PCDHGA2: variants seen among roughly 807,000 people sequenced by gnomAD.
PCDHGA2 encodes the protein protocadherin gamma subfamily A, 2, also known as protocadherin gamma-A2.
In PCDHGA2, 40 loss-of-function variants were observed where a neutral mutation model predicts 59.2. The observed-to-expected ratio is 0.68, with a 90% CI of 0.52 to 0.88. PCDHGA2 has a LOEUF of 0.88. Ranked by LOEUF, PCDHGA2 falls within the 40% of genes least tolerant of loss-of-function variation. PCDHGA2 has a pLI of 0.00. For synonymous variants in PCDHGA2, 560 were observed against 526.0 expected (o/e 1.06, Z -0.89); for missense variants, 1,226 against 1,204.0 (o/e 1.02, Z -0.27).
chr5:141,433,076 C>G, intron 1 of PCDHGA2: 1 of 1,614,188 alleles, frequency 6.2e-7, no homozygotes, highest in Non-Finnish European at 8.5e-7. Context: ...CTTCCCCCAG[C>G]CCAACTATGC....
chr5:141,401,211 G>A (rs1180713351), intron 1 of PCDHGA2, among the ~76,000 whole-genome samples: 5 of 151,994 alleles, frequency 3.3e-5, no homozygotes, highest in South Asian at 2.1e-4. Context: ...GTGTGGTGGC[G>A]GGCGCCTGTA....
In PCDHGA2 at chr5:141,482,773, C is replaced by A. The variant is rs2009076; in HGVS notation, c.2425-12034C>A. ...ATTATGGTATTTCATTATCACTGAA[C>A]CTTAAACTGTGTGTGTGGCCGGGTA... On this transcript the variant is annotated intron_variant, in intron 1 of 3. Coordinates refer to ENST00000394576, the MANE Select transcript of PCDHGA2 (RefSeq NM_018915.4). 9.1e-3 allele frequency among the ~76,000 whole-genome samples: 1,158 copies of A among 127,768 alleles called. 29 individuals carry two copies. Among genetic ancestry groups the A allele is most frequent in the Middle Eastern group, 0.013 (3 of 228 alleles). 83.8% of individuals were successfully genotyped at this position (127,768 alleles called of 152,430 possible). A position where few individuals can be genotyped will look rare whatever the true frequency, so the allele number is the denominator to read the frequency against.
intron 1 of PCDHGA2, chr5:141,370,818 ATCAGCGAACTGGCTC>A (rs758994219): frequency 6.2e-7 from 1 of 1,614,074 alleles, no homozygotes; most frequent in South Asian, 1.1e-5. Flanking sequence ...TGAGCTGGAA[ATCAGCGAACTGGCTC>A]TCACTGGAGC....
Position 141,340,475 on chromosome 5 carries a change from T to A in PCDHGA2, c.1504T>A (p.Ser502Thr), listed in dbSNP as rs1010583487. The A allele has an allele frequency of 6.2e-7, 1 of 1,614,188 alleles. No individual in the cohort carries two copies. The highest frequency in any genetic ancestry group is 1.3e-5 in the African/African-American group (1 of 75,028). Residue 502 changes from serine to threonine, a missense_variant, in exon 1 of 4, where the codon TCC (serine) becomes ACC (threonine). Transcript: ENST00000394576. ...GGACACTGTTCAGGGGGCACCCTTA[T>A]CCTCTTACATCTCTATCAACTCCGA... ...AEDTVQGAPL[S>T]SYISINSDTG...
chr5:141,479,490 G>A (rs1334340000), intron 1 of PCDHGA2: 1 of 152,248 alleles, frequency 6.6e-6, no homozygotes, highest in Non-Finnish European at 1.5e-5. Context: ...AGGACCATCA[G>A]GTTGCCTAAA....
In PCDHGA2 at chr5:141,487,218, C is replaced by T; in HGVS notation, c.2425-7589C>T. The T allele has an allele frequency of 6.2e-7, 1 of 1,613,938 alleles. No individual in the cohort carries two copies. The highest frequency in any genetic ancestry group is 1.3e-5 in the African/African-American group (1 of 75,024). On this transcript the variant is annotated intron_variant, in intron 1 of 3. Coordinates refer to ENST00000394576, the MANE Select transcript of PCDHGA2 (RefSeq NM_018915.4). The surrounding 1 kb of genome is among the most constrained non-coding windows in gnomAD (Gnocchi z 5.0). ...CCAGATCTTCGAGAATCTTCAGCTCCAAGGGAAGGAGAATCTCGTCTAACC... is the reference window on the plus strand; with the variant it reads ...CCAGATCTTCGAGAATCTTCAGCTCTAAGGGAAGGAGAATCTCGTCTAACC...
At position 141,510,979 on chromosome 5, in the gene PCDHGA2, G is replaced by T; in HGVS notation, c.2605G>T (p.Gly869Cys). 3.7e-6 allele frequency: 6 copies of T among 1,614,156 alleles called. No individual in the cohort carries two copies. Among genetic ancestry groups the T allele is most frequent in the Non-Finnish European group, 4.2e-6 (5 of 1,180,018 alleles). Residue 869 changes from glycine to cysteine, a missense_variant, in exon 4 of 4, where the codon GGT becomes TGT. Gly to Cys is a radical substitution (Grantham distance 159). Coordinates refer to ENST00000394576, the MANE Select transcript of PCDHGA2 (RefSeq NM_018915.4). ...TGATGGGAGCTCCACCCTGGGAGGGGGTGCCGGCACCATGGGATTGAGCGC... is the reference window on the plus strand; with the variant it reads ...TGATGGGAGCTCCACCCTGGGAGGGTGTGCCGGCACCATGGGATTGAGCGC... Reference protein sequence around the residue: ...AADGSSTLGGGAGTMGLSARY... With the variant: ...AADGSSTLGGCAGTMGLSARY...
At position 141,491,919 on chromosome 5, in the gene PCDHGA2, C is replaced by A. The variant is rs1177043977; in HGVS notation, c.2425-2888C>A. 1.5e-6 allele frequency: 2 copies of A among 1,361,778 alleles called. No homozygotes were observed. Among genetic ancestry groups the A allele is most frequent in the South Asian group, 1.6e-5 (1 of 64,218 alleles). 84.4% of individuals were successfully genotyped at this position (1,361,778 alleles called of 1,614,324 possible). A position where few individuals can be genotyped will look rare whatever the true frequency, so the allele number is the denominator to read the frequency against. On this transcript the variant is annotated intron_variant, in intron 1 of 3. Coordinates refer to ENST00000394576, the MANE Select transcript of PCDHGA2 (RefSeq NM_018915.4). The surrounding 1 kb of genome is among the most constrained non-coding windows in gnomAD (Gnocchi z 6.9). ...CACCGGGGGTGGTGGCGACTGTGGGCGAGGGGAGGTGGGACCGACCCCCAC... is the reference window on the plus strand; with the variant it reads ...CACCGGGGGTGGTGGCGACTGTGGGAGAGGGGAGGTGGGACCGACCCCCAC...
chr5:141,356,431 G>A (rs1760220758), intron 1 of PCDHGA2: 1 of 1,609,622 alleles, frequency 6.2e-7, no homozygotes, highest in Non-Finnish European at 8.5e-7. Context: ...CAGAACACTG[G>A]ACAGGGAAGA....
intron 1 of PCDHGA2, chr5:141,356,070 G>A (rs1284075623): frequency 1.9e-6 from 3 of 1,613,902 alleles, no homozygotes; most frequent in East Asian, 2.2e-5. Flanking sequence ...AAATATCACA[G>A]CTATTTCAGT....
intron 1 of PCDHGA2, among the ~76,000 whole-genome samples, chr5:141,475,778 T>C (rs1204790631): frequency 2.0e-5 from 3 of 152,282 alleles, no homozygotes; most frequent in Non-Finnish European, 4.4e-5. Flanking sequence ...GCGCTTTGGC[T>C]GGAAACTCTG....
Position 141,389,732 on chromosome 5 carries a change from C to T in PCDHGA2, c.2424+48337C>T, listed in dbSNP as rs765577336. 11 of 1,612,674 alleles carry T rather than the reference C, an allele frequency of 6.8e-6. No homozygotes were observed. The South Asian group carries it at 1.2e-4, about 18-fold the overall frequency. ...AGGCTAGCGAGCCCGGGCTCTTCAGCCTGGGGCTGCGCACGGGCGAAGTGC... is the reference window on the plus strand; with the variant it reads ...AGGCTAGCGAGCCCGGGCTCTTCAGTCTGGGGCTGCGCACGGGCGAAGTGC... On this transcript the variant is annotated intron_variant, in intron 1 of 3. Transcript: ENST00000394576.
At chr5:141,481,838 T>G (rs1297962011) in intron 1 of PCDHGA2, among the ~76,000 whole-genome samples, 2 of 150,868 alleles carry the variant, frequency 1.3e-5, no homozygotes, top group African/African-American at 4.9e-5. Flanking sequence ...GGAGAATCGC[T>G]TGATGGTGGA....
At chr5:141,458,630 C>T (rs575289408) in intron 1 of PCDHGA2, among the ~76,000 whole-genome samples, 1 of 151,864 alleles carries the variant, frequency 6.6e-6, no homozygotes, top group Admixed American at 6.6e-5. Flanking sequence ...AGTGCAGTGG[C>T]ACAATCCCAG....
At chr5:141,505,241 T>C in intron 2 of PCDHGA2, 152 bp from the exon 3 acceptor site, 3 of 1,396,292 alleles carry the variant, frequency 2.1e-6, no homozygotes, top group South Asian at 1.4e-5. Flanking sequence ...TTCTGAAGGA[T>C]TGTAGAAGTG....
intron 1 of PCDHGA2, among the ~76,000 whole-genome samples, chr5:141,368,930 A>G (rs182609850): frequency 1.4e-4 from 22 of 152,346 alleles, no homozygotes; most frequent in Middle Eastern, 3.4e-3. Flanking sequence ...GTGTCTGTCT[A>G]GAATTCTGGT....
At chr5:141,441,709 C>T in intron 1 of PCDHGA2, 1 of 321,306 alleles carries the variant, frequency 3.1e-6, no homozygotes, top group Non-Finnish European at 6.1e-6. Flanking sequence ...TTCAAGCTCA[C>T]GCTGCAGGCC....
intron 1 of PCDHGA2, chr5:141,362,411 A>G (rs771689350): frequency 6.2e-7 from 1 of 1,614,004 alleles, no homozygotes; most frequent in Non-Finnish European, 8.5e-7. Context: ...GTTGCCTCAC[A>G]ATCAGCCAAG....
chr5:141,356,150 T>C (rs1181062763), intron 1 of PCDHGA2: 3 of 1,613,504 alleles, frequency 1.9e-6, no homozygotes, highest in Non-Finnish European at 2.5e-6. Flanking sequence ...TTCTATGACA[T>C]AGATGTAGAA....
Sources: gnomAD v4.1 joint callset for allele counts (sites outside exome capture counted in the v4.1 genomes callset) on GRCh38, gnomAD v4.1.1 for gene constraint, Gnocchi (gnomAD v3.1) non-coding constraint, MANE v1.5 for transcripts, NCBI Gene and HGNC (gene_info 2026-07-23, HGNC 2026-07-21) for gene names.